Variants in FADS2 observed in about 807,000 individuals in gnomAD.
FADS2 encodes the protein fatty acid desaturase 2.
A neutral mutation model predicts 61.2 loss-of-function variants in FADS2; 18 were observed. That is an observed-to-expected ratio of 0.29 (90% confidence interval 0.20 to 0.44). FADS2 has a LOEUF of 0.44. FADS2 is among the 20% of genes least tolerant of loss of function. The pLI is 1.00. For synonymous variants in FADS2, 203 were observed against 223.9 expected (o/e 0.91, Z 0.83); for missense variants, 322 against 572.7 (o/e 0.56, Z 4.47).
At chr11:61,863,402 C>T (rs754421377) in intron 9 of FADS2, 24 bp downstream of exon 9, 1 of 1,536,094 alleles carries the variant, frequency 6.5e-7, no homozygotes, top group Admixed American at 1.7e-5. Flanking sequence ...GGCCGGTCAC[C>T]AGAGCCTGGT....
intron 10 of FADS2, chr11:61,864,089 C>T: frequency 2.7e-6 from 1 of 368,364 alleles, no homozygotes; most frequent in Non-Finnish European, 4.9e-6. Context: ...ACCTCATGAC[C>T]CTGTGAGGCT....
chr11:61,827,063 C>G (rs1007813339), upstream of FADS2, among the ~76,000 whole-genome samples: 3 of 152,152 alleles, frequency 2.0e-5, no homozygotes, highest in Non-Finnish European at 4.4e-5. This position sits in a 1 kb window ranked among gnomAD's most constrained non-coding sequence, Gnocchi z 4.5. Context: ...CTCGTGCACC[C>G]CACCCTCTCT....
chr11:61,818,516 T>G (rs1306567980), intron 1 of FADS2, among the ~76,000 whole-genome samples: 2 of 152,176 alleles, frequency 1.3e-5, no homozygotes, highest in African/African-American at 2.4e-5. Context: ...AAATAGCCAA[T>G]TTAATAGCAA....
At chr11:61,835,254 A>G (rs2067163120) in intron 1 of FADS2, among the ~76,000 whole-genome samples, 1 of 152,110 alleles carries the variant, frequency 6.6e-6, no homozygotes, top group Non-Finnish European at 1.5e-5. Context: ...ACACAAATAG[A>G]ACAAAGACCA....
chr11:61,826,754 G>A (rs372707803), upstream of FADS2, among the ~76,000 whole-genome samples: 9 of 152,080 alleles, frequency 5.9e-5, no homozygotes, highest in African/African-American at 1.9e-4. Context: ...GAGAGGTTGG[G>A]GACTGTGTGA....
chr11:61,821,371 C>T (rs1254374691), intron 1 of FADS2: 2 of 700,660 alleles, frequency 2.9e-6, no homozygotes, highest in South Asian at 3.0e-5. Context: ...CCACCATTTT[C>T]TCTCTAAAGA....
chr11:61,823,559 C>T (rs144791776), upstream of FADS2, among the ~76,000 whole-genome samples: 172 of 152,334 alleles, frequency 1.1e-3, no homozygotes, highest in African/African-American at 4.0e-3. Context: ...GTCTTGCACT[C>T]CAGCTGGAGT....
chr11:61,828,124 T>C (rs1384162596), upstream of FADS2: 1 of 1,361,574 alleles, frequency 7.3e-7, no homozygotes, highest in Admixed American at 3.3e-5. The surrounding 1 kb of genome is among the most constrained non-coding windows in gnomAD (Gnocchi z 6.4). Flanking sequence ...CAAAAGTCCA[T>C]AGCGGGAGGG....
intron 10 of FADS2, among the ~76,000 whole-genome samples, chr11:61,864,572 T>G (rs2067445676): frequency 6.6e-6 from 1 of 152,114 alleles, no homozygotes; most frequent in Non-Finnish European, 1.5e-5. Context: ...TTTTGTATTT[T>G]TTAGTGGAGA....
At chr11:61,828,211 A>T (rs1192374908), upstream of FADS2, 96 of 1,427,548 alleles carry the variant, frequency 6.7e-5, 1 homozygote, top group Non-Finnish European at 1.8e-6. This position sits in a 1 kb window ranked among gnomAD's most constrained non-coding sequence, Gnocchi z 6.4. Flanking sequence ...AGGCAGGGAC[A>T]CTCCCGAGCG....
chr11:61,841,432 C>T (rs1343348376), intron 4 of FADS2, among the ~76,000 whole-genome samples: 1 of 151,096 alleles, frequency 6.6e-6, no homozygotes, highest in East Asian at 2.0e-4. Flanking sequence ...GGTGTGGTGG[C>T]ATGCACCTGT....
chr11:61,861,830 A>T (rs577350001), intron 7 of FADS2: 1 of 152,374 alleles, frequency 6.6e-6, no homozygotes, highest in South Asian at 2.1e-4. Flanking sequence ...CAGTTCTGGA[A>T]TCTGTCACCT....
chr11:61,834,013 C>T lies in FADS2; in HGVS notation c.208-3765C>T, dbSNP rs188526834. The stretch of plus-strand genomic sequence containing the variant: ...AGGCCATAAACAAGTGGGTACGTCA[C>T]GCAGTCTGATGACGAACCTTGATGA... On this transcript the variant is annotated intron_variant, in intron 1 of 11. Coordinates refer to ENST00000278840, the MANE Select transcript of FADS2 (RefSeq NM_004265.4). Among the ~76,000 whole-genome samples, 405 of 152,344 alleles carry T rather than the reference C, an allele frequency of 2.7e-3. 3 individuals are homozygous for T. Among genetic ancestry groups the T allele is most frequent in the African/African-American group, 9.1e-3 (379 of 41,580 alleles).
chr11:61,860,196 G>A (rs1055996311), intron 7 of FADS2, among the ~76,000 whole-genome samples: 5 of 152,238 alleles, frequency 3.3e-5, no homozygotes, highest in Non-Finnish European at 5.9e-5. Context: ...GGCATCTGGT[G>A]GGCGTCTAGC....
Position 61,843,286 on chromosome 11 carries a change from C to T in FADS2, c.618+2561C>T, listed in dbSNP as rs1414341866. Among the ~76,000 whole-genome samples, 17 of 152,230 alleles carry T rather than the reference C, an allele frequency of 1.1e-4. No individual in the cohort carries two copies. The East Asian group carries it at 2.9e-3, about 26-fold the overall frequency. On this transcript the variant is annotated intron_variant, in intron 4 of 11. Transcript: ENST00000278840. ...CTCTACTAAAAATAAAAGAATTAGC[C>T]GGGGATGGTGGTGCATGCTTGTAGT...
intron 5 of FADS2, among the ~76,000 whole-genome samples, chr11:61,853,988 A>G (rs1305706314): frequency 1.3e-5 from 2 of 152,210 alleles, no homozygotes; most frequent in Non-Finnish European, 2.9e-5. Flanking sequence ...GGCCGAGGAC[A>G]GGAGAGTCAG....
intron 10 of FADS2, among the ~76,000 whole-genome samples, chr11:61,864,546 A>G (rs1475008194): frequency 6.6e-6 from 1 of 152,166 alleles, no homozygotes; most frequent in African/African-American, 2.4e-5. Flanking sequence ...GGCGTGTGCC[A>G]CCACGCCCAG....
chr11:61,861,363 A>AC (rs761990000), intron 7 of FADS2, among the ~76,000 whole-genome samples: 15,436 of 140,070 alleles, frequency 0.11, 1,859 homozygotes, highest in Non-Finnish European at 0.12. Flanking sequence ...CAAAAAAAAA[A>AC]AAAAAAAACA....
chr11:61,852,727 G>A (rs2135971215), intron 5 of FADS2, among the ~76,000 whole-genome samples: 1 of 152,154 alleles, frequency 6.6e-6, no homozygotes. Context: ...TTGTTTGCAT[G>A]GCCTTCCAAT....
Sources: gnomAD v4.1 joint callset for allele counts (sites outside exome capture counted in the v4.1 genomes callset) on GRCh38, gnomAD v4.1.1 for gene constraint, Gnocchi (gnomAD v3.1) non-coding constraint, MANE v1.5 for transcripts, NCBI Gene and HGNC (gene_info 2026-07-23, HGNC 2026-07-21) for gene names.